Variants in TAFA2 observed in about 807,000 individuals in gnomAD.
TAFA2 encodes the protein chemokine-like protein TAFA-2.
In TAFA2, 7 loss-of-function variants were observed where a neutral mutation model predicts 18.8. The ratio of observed to expected loss-of-function variants is 0.37; its 90% CI spans 0.21 to 0.70. The LOEUF (loss-of-function observed/expected upper bound fraction) is 0.70. Among genes scored for constraint, TAFA2 ranks in the 30% least tolerant of loss-of-function variants. The probability of loss-of-function intolerance (pLI) is 0.53; values close to 1 mark genes in which losing one functional copy is unlikely to be tolerated. For missense variants in TAFA2, 122 were observed against 158.1 expected (o/e 0.77, Z 1.23); for synonymous variants, 60 against 54.2 (o/e 1.11, Z -0.47).
chr12:61,759,733 G>A (rs1363236008), intron 2 of TAFA2, among the ~76,000 whole-genome samples: 1 of 152,028 alleles, frequency 6.6e-6, no homozygotes, highest in Non-Finnish European at 1.5e-5. Context: ...ATATCCCAAA[G>A]CCCAAGTCAT....
rs577835662 is a variant in TAFA2, at chr12:61,758,498, G to A, written c.107-3474C>T. ...ATCCATTTTAACAAGAGGAAGGTGG[G>A]ATATGTAGGTACAGAGTCAGGTAGA... On this transcript the variant is annotated intron_variant, in intron 2 of 4. Transcript: ENST00000416284. Among the ~76,000 whole-genome samples, 48 of 152,132 alleles carry A rather than the reference G, an allele frequency of 3.2e-4. 1 individual carries two copies. The South Asian group carries it at 9.3e-3, about 30-fold the overall frequency.
Position 62,040,281 on chromosome 12 carries a change from G to A in TAFA2, c.-2+150978C>T, listed in dbSNP as rs542332030. Among the ~76,000 whole-genome samples the A allele has an allele frequency of 1.6e-3, 243 of 151,962 alleles. 1 individual carries two copies. Among genetic ancestry groups the A allele is most frequent in the Non-Finnish European group, 2.9e-3 (199 of 68,012 alleles). ...AAAGGGGCTGAGGTCAGAACCTTTG[G>A]GAATACCAATTGTTATAGGTGGAAT... On this transcript the variant is annotated intron_variant, in intron 1 of 4. Coordinates refer to ENST00000416284, the MANE Select transcript of TAFA2 (RefSeq NM_178539.5).
intron 1 of TAFA2, among the ~76,000 whole-genome samples, chr12:61,936,423 C>T (rs1295007162): frequency 6.6e-6 from 1 of 151,914 alleles, no homozygotes; most frequent in Non-Finnish European, 1.5e-5. Flanking sequence ...CAAAACTTAG[C>T]CAGGTGTGGT....
chr12:61,774,933 A>T (rs533108817), intron 2 of TAFA2, among the ~76,000 whole-genome samples: 1 of 152,022 alleles, frequency 6.6e-6, no homozygotes, highest in Admixed American at 6.6e-5. Context: ...CTGAAAAAGG[A>T]TTGTTATCAA....
intron 1 of TAFA2, among the ~76,000 whole-genome samples, chr12:62,073,455 A>G (rs943582765): frequency 1.3e-5 from 2 of 150,758 alleles, no homozygotes; most frequent in African/African-American, 4.9e-5. Flanking sequence ...AGATAAGAAA[A>G]CACCTTTGAG....
chr12:61,805,255 G>A (rs904908294), intron 2 of TAFA2, among the ~76,000 whole-genome samples: 5 of 151,828 alleles, frequency 3.3e-5, no homozygotes, highest in African/African-American at 4.8e-5. Context: ...TCCCTAAATT[G>A]TTATTTTTCA....
At chr12:61,743,877 AT>A (rs1387334299) in intron 4 of TAFA2, among the ~76,000 whole-genome samples, 1 of 152,050 alleles carries the variant, frequency 6.6e-6, no homozygotes, top group Non-Finnish European at 1.5e-5. Context: ...GATTATCCAT[AT>A]TTTTTAATAG....
At chr12:62,094,681 A>G (rs967742329) in intron 1 of TAFA2, among the ~76,000 whole-genome samples, 5 of 152,018 alleles carry the variant, frequency 3.3e-5, no homozygotes, top group East Asian at 1.9e-4. Context: ...CACATTAAGC[A>G]TATTCATTCA....
chr12:61,917,505 C>T (rs534799629), intron 1 of TAFA2, among the ~76,000 whole-genome samples: 106 of 152,190 alleles, frequency 7.0e-4, no homozygotes, highest in Middle Eastern at 6.8e-3. Context: ...ACATTTCTTT[C>T]GTTTATTTGA....
intron 1 of TAFA2, among the ~76,000 whole-genome samples, chr12:62,154,888 G>A (rs1246843198): frequency 6.6e-6 from 1 of 152,032 alleles, no homozygotes; most frequent in Non-Finnish European, 1.5e-5. Context: ...AGGTGAAATA[G>A]GACAAGGTGC....
chr12:62,146,186 C>T (rs577408265), intron 1 of TAFA2, among the ~76,000 whole-genome samples: 2 of 152,146 alleles, frequency 1.3e-5, no homozygotes, highest in South Asian at 4.2e-4. Context: ...CCTCTCATCT[C>T]ACCTCAAGAA....
At chr12:62,060,758 G>A (rs541348538) in intron 1 of TAFA2, among the ~76,000 whole-genome samples, 45 of 152,144 alleles carry the variant, frequency 3.0e-4, no homozygotes, top group African/African-American at 1.1e-3. Flanking sequence ...TCCTGACCCC[G>A]TCTAGGCCTA....
At chr12:61,788,048 A>G (rs1870810559) in intron 2 of TAFA2, among the ~76,000 whole-genome samples, 1 of 151,744 alleles carries the variant, frequency 6.6e-6, no homozygotes, top group African/African-American at 2.4e-5. Flanking sequence ...AAGTAGGAGT[A>G]ACTATAGTTG....
chr12:61,867,104 A>G (rs1874387247), intron 2 of TAFA2, among the ~76,000 whole-genome samples: 1 of 152,056 alleles, frequency 6.6e-6, no homozygotes, highest in South Asian at 2.1e-4. Flanking sequence ...TATTCTTTGA[A>G]CACTATTTAC....
intron 4 of TAFA2, among the ~76,000 whole-genome samples, chr12:61,740,950 A>T (rs2120699002): frequency 6.6e-6 from 1 of 152,012 alleles, no homozygotes; most frequent in African/African-American, 2.4e-5. Flanking sequence ...ATTAAACATT[A>T]TAATAAATAG....
At chr12:61,882,742 T>C (rs147823949) in intron 1 of TAFA2, among the ~76,000 whole-genome samples, 96 of 152,276 alleles carry the variant, frequency 6.3e-4, no homozygotes, top group Middle Eastern at 3.4e-3. Flanking sequence ...TATATTTATA[T>C]ATTCTACCTA....
At chr12:61,916,235 C>A (rs147613786) in intron 1 of TAFA2, among the ~76,000 whole-genome samples, 1 of 152,232 alleles carries the variant, frequency 6.6e-6, no homozygotes, top group East Asian at 1.9e-4. Flanking sequence ...AGAAATAATT[C>A]TTGGGGTCTG....
At chr12:61,790,213 C>A (rs1456446187) in intron 2 of TAFA2, among the ~76,000 whole-genome samples, 1 of 150,314 alleles carries the variant, frequency 6.7e-6, no homozygotes, top group African/African-American at 2.4e-5. Flanking sequence ...TATAAAGGTA[C>A]TACCACAACA....
intron 1 of TAFA2, among the ~76,000 whole-genome samples, chr12:61,970,390 A>G (rs952120723): frequency 4.0e-5 from 6 of 151,614 alleles, no homozygotes; most frequent in African/African-American, 1.5e-4. Context: ...CCACAAAAGA[A>G]AAAATACAAT....
Sources: gnomAD v4.1 joint callset for allele counts (sites outside exome capture counted in the v4.1 genomes callset) on GRCh38, gnomAD v4.1.1 for gene constraint, MANE v1.5 for transcripts, NCBI Gene and HGNC (gene_info 2026-07-23, HGNC 2026-07-21) for gene names.